MATN1: variants seen among roughly 807,000 people sequenced by gnomAD.
MATN1 encodes the protein matrilin-1.
MATN1 carries 34 observed loss-of-function variants against 41.3 expected under a neutral mutation model. The observed-to-expected ratio is 0.82, with a 90% CI of 0.63 to 1.10. The LOEUF is 1.10. Among genes scored for constraint, MATN1 ranks in the 50% least tolerant of loss-of-function variants. MATN1 has a pLI of 0.00. For synonymous variants in MATN1, 264 were observed against 278.7 expected, an observed-to-expected ratio of 0.95 and a Z score of 0.53; for missense variants, 602 against 662.4, an observed-to-expected ratio of 0.91 and a Z score of 1.00.
rs10531531 is a variant in MATN1, at chr1:30,713,377, GCACA to G, written c.*201_*204del. The G allele has an allele frequency of 0.046, 24,442 of 530,544 alleles. 177 individuals are homozygous for G. The highest frequency in any genetic ancestry group is 0.058 in the Non-Finnish European group (16,761 of 291,098). The allele number at this position is 530,544 out of a possible 1,614,324, so 32.9% of individuals were successfully genotyped here. On this transcript the variant is annotated 3_prime_UTR_variant, in exon 8 of 8. Transcript: ENST00000373765. ...CTCATGCCCACCCTCAGGCGCACGT[GCACA>G]CACACACACACACACACACATGCAC...
At chr1:30,719,502 C>G (rs1221954836) in intron 2 of MATN1, 1 of 153,930 alleles carries the variant, frequency 6.5e-6, no homozygotes, top group Non-Finnish European at 1.5e-5. Context: ...GAGGGCCACT[C>G]CCATGTGGAT....
intron 7 of MATN1, chr1:30,713,890 G>A: frequency 1.7e-6 from 1 of 588,942 alleles, no homozygotes. Context: ...CAGGGGAACT[G>A]TCTGGGGCCC....
chr1:30,715,986 T>C lies in MATN1; in HGVS notation c.1130A>G (p.Gln377Arg). ...ATCAGTGAAGACAATGCCCACCTTC[T>C]GGGCCCCGGGCCTAGCCCCACTGGA... Reference protein sequence around the residue: ...TVSSGARPGAQKVGIVFTDGR... With the variant: ...TVSSGARPGARKVGIVFTDGR... The change falls in exon 5 of 8, where the codon CAG becomes CGG. Residue 377 changes from glutamine to arginine, a missense_variant. By Grantham distance (43) the Gln-to-Arg change is conservative. Coordinates refer to ENST00000373765, the MANE Select transcript of MATN1 (RefSeq NM_002379.3). 6.2e-7 allele frequency: 1 copy of C among 1,614,236 alleles called. No homozygotes were observed.
intron 2 of MATN1, chr1:30,719,306 T>G: frequency 3.7e-6 from 1 of 270,100 alleles, no homozygotes; most frequent in Non-Finnish European, 7.0e-6. Flanking sequence ...GTGGGAGTCG[T>G]GCCACGCCCC....
rs1198904067 is a variant in MATN1 at position 30,715,222 on chromosome 1, AAGT to A, written c.1292_1294del (p.Tyr431del). 6.2e-7 allele frequency: 1 copy of A among 1,614,100 alleles called. No individual in the cohort carries two copies. Among genetic ancestry groups the A allele is most frequent in the African/African-American group, 1.3e-5 (1 of 74,928 alleles). ...GATGGTCTTGAAGTCAGCCGTGTAG[AAGT>A]AGTGCTCTGCCACAGGCTCTGAGGC... is the stretch of plus-strand genomic sequence containing the variant. On this transcript the variant is annotated inframe_deletion, in exon 6 of 8. Coordinates refer to ENST00000373765, the MANE Select transcript of MATN1 (RefSeq NM_002379.3).
chr1:30,721,379 A>T (rs772372968), intron 2 of MATN1, 26 bp downstream of exon 2: 3 of 1,580,586 alleles, frequency 1.9e-6, no homozygotes, highest in Non-Finnish European at 2.6e-6. Flanking sequence ...AAACAGCAGC[A>T]TCCTAGCAGG....
chr1:30,715,176 C>A lies in MATN1; in HGVS notation c.1341G>T (p.Leu447Phe). 6.2e-7 allele frequency: 1 copy of A among 1,614,226 alleles called. No homozygotes were observed. The highest frequency in any genetic ancestry group is 8.5e-7 in the Non-Finnish European group (1 of 1,180,024). ...FKTINQIGKK[L>F]QKKICVEEDP... ...ACTCACCCACACAGATCTTCTTCTG[C>A]AACTTCTTGCCTATCTGGTTGATGG... The change falls in exon 6 of 8, where the codon TTG becomes TTT. Residue 447 changes from leucine (L) to phenylalanine (F), a missense_variant. Leu to Phe is a conservative substitution (Grantham distance 22). Coordinates refer to ENST00000373765, the MANE Select transcript of MATN1 (RefSeq NM_002379.3).
At chr1:30,715,855 C>G (rs920914644) in intron 5 of MATN1, 54 bp downstream of exon 5, 2 of 1,556,690 alleles carry the variant, frequency 1.3e-6, no homozygotes, top group Admixed American at 3.6e-5. Flanking sequence ...GGGCTATACC[C>G]GTGTGTACCC....
chr1:30,714,805 G>A (rs1639595108), intron 6 of MATN1, among the ~76,000 whole-genome samples: 1 of 152,172 alleles, frequency 6.6e-6, no homozygotes, highest in African/African-American at 2.4e-5. Context: ...CACCAGAGAG[G>A]ACCAGAGAGG....
rs747878770 is a variant in MATN1, at chr1:30,715,976, G to A, written c.1140C>T (p.Gly380=). The part of the protein sequence containing the change: ...SGARPGAQKV[G]IVFTDGRSQD... ...GGCTCCGGCCATCAGTGAAGACAAT[G>A]CCCACCTTCTGGGCCCCGGGCCTAG... The change falls in exon 5 of 8, where the codon GGC becomes GGT. Residue 380 remains glycine (G), a synonymous_variant. Coordinates refer to ENST00000373765, the MANE Select transcript of MATN1 (RefSeq NM_002379.3). The A allele has an allele frequency of 3.7e-6, 6 of 1,614,092 alleles. No homozygotes were observed. Among genetic ancestry groups the A allele is most frequent in the Admixed American group, 1.7e-5 (1 of 60,012 alleles).
intron 2 of MATN1, 63 bp downstream of exon 2, chr1:30,721,333 TGCAGGCAAA>T: frequency 7.1e-7 from 1 of 1,412,000 alleles, no homozygotes; most frequent in Non-Finnish European, 9.8e-7. Context: ...TCAAAGTGTC[TGCAGGCAAA>T]GCTCATAACT....
chr1:30,719,295 T>G, intron 2 of MATN1: 1 of 285,752 alleles, frequency 3.5e-6, no homozygotes, highest in Admixed American at 5.3e-5. Context: ...GGCTGATGGC[T>G]GTGGGAGTCG....
Position 30,721,480 on chromosome 1 carries a change from C to A in MATN1, c.366G>T (p.Leu122=), listed in dbSNP as rs1639693588. ...QPLSTGTMTG[L]AIQFAITKAF... ...CTTTGGTGATAGCGAACTGGATGGC[C>A]AGGCCGGTCATGGTGCCTGTGGACA... The change falls in exon 2 of 8, where the codon CTG becomes CTT. Residue 122 remains leucine (L), a synonymous_variant. Transcript: ENST00000373765. 10 of 1,613,586 alleles carry A rather than the reference C, an allele frequency of 6.2e-6. No individual in the cohort carries two copies. Among genetic ancestry groups the A allele is most frequent in the Non-Finnish European group, 6.8e-6 (8 of 1,180,018 alleles).
intron 6 of MATN1, 100 bp from the exon 7 acceptor site, chr1:30,714,427 C>G (rs761837193): frequency 1.0e-5 from 10 of 968,080 alleles, no homozygotes; most frequent in Non-Finnish European, 1.6e-5. Context: ...TCAGGATTCC[C>G]GGGGAGGTGA....
chr1:30,716,364 A>G (rs1330921679), intron 4 of MATN1, 39 bp from the exon 5 acceptor site: 3 of 1,591,140 alleles, frequency 1.9e-6, no homozygotes, highest in Middle Eastern at 1.7e-4. Context: ...AAGCTGAAGG[A>G]CATAGTCAAC....
intron 4 of MATN1, 60 bp from the exon 5 acceptor site, chr1:30,716,385 C>G: frequency 6.6e-7 from 1 of 1,513,898 alleles, no homozygotes; most frequent in East Asian, 2.3e-5. Context: ...CATCCTGCTC[C>G]CCGGCTGGAC....
At chr1:30,721,821 G>C in intron 1 of MATN1, 70 bp from the exon 2 acceptor site, 1 of 1,313,916 alleles carries the variant, frequency 7.6e-7, no homozygotes. Flanking sequence ...TGAACACACA[G>C]AGTGCGGCTT....
chr1:30,716,153 G>C lies in MATN1; in HGVS notation c.963C>G (p.Ser321Arg), dbSNP rs986537386. ...LAQVGLVQYS[S>R]SVRQEFPLGR... Reference sequence around the variant, plus strand: ...CCAGGGGGAACTCCTGGCGCACAGAGCTTGAGTACTGCACCAGCCCCACCT... The same window carrying C: ...CCAGGGGGAACTCCTGGCGCACAGACCTTGAGTACTGCACCAGCCCCACCT... The change falls in exon 5 of 8, where the codon AGC (serine) becomes AGG (arginine). Residue 321 changes from serine (S) to arginine (R), a missense_variant. Transcript: ENST00000373765. The C allele has an allele frequency of 1.9e-6, 3 of 1,614,120 alleles. No homozygotes were observed. Among genetic ancestry groups the C allele is most frequent in the Non-Finnish European group, 2.5e-6 (3 of 1,180,052 alleles).
At chr1:30,718,161 T>A (rs1472067579) in intron 3 of MATN1, among the ~76,000 whole-genome samples, 2 of 150,548 alleles carry the variant, frequency 1.3e-5, no homozygotes, top group Non-Finnish European at 3.0e-5. Flanking sequence ...GTTCCCGCCG[T>A]TTTATAGGCT....
Sources: allele counts gnomAD v4.1 joint callset (sites outside exome capture counted in the v4.1 genomes callset), GRCh38; gene constraint gnomAD v4.1.1; transcripts MANE v1.5; gene names NCBI Gene and HGNC (gene_info 2026-07-23, HGNC 2026-07-21).